GPC6: variants seen among roughly 807,000 people sequenced by gnomAD.
The protein encoded by GPC6 is glypican 6.
Under a neutral mutation model 55.2 loss-of-function variants are expected in GPC6, and 14 were observed. The ratio of observed to expected loss-of-function variants is 0.25; its 90% CI spans 0.17 to 0.40. The LOEUF is 0.40. GPC6 is among the 10% of genes least tolerant of loss of function. GPC6 has a pLI of 1.00. For synonymous variants in GPC6, 278 were observed against 259.6 expected (o/e 1.07, Z -0.68); for missense variants, 641 against 708.5 (o/e 0.90, Z 1.08).
chr13:94,285,348 T>C (rs1892499928), intron 4 of GPC6, among the ~76,000 whole-genome samples: 1 of 152,104 alleles, frequency 6.6e-6, no homozygotes, highest in African/African-American at 2.4e-5. Context: ...GGAGATGAGT[T>C]TGAAGGCTTC....
chr13:93,223,598 C>A (rs1056680904), upstream of GPC6, among the ~76,000 whole-genome samples: 3 of 151,728 alleles, frequency 2.0e-5, no homozygotes, highest in South Asian at 2.1e-4. Flanking sequence ...CACATACCAT[C>A]ACACCAGCGA....
At chr13:93,617,366 T>C (rs548092079) in intron 2 of GPC6, among the ~76,000 whole-genome samples, 1 of 152,270 alleles carries the variant, frequency 6.6e-6, no homozygotes, top group Admixed American at 6.5e-5. Context: ...CATTCATCTC[T>C]CTATTTCTGG....
At chr13:94,167,318 A>C (rs1414708187) in intron 4 of GPC6, among the ~76,000 whole-genome samples, 1 of 152,206 alleles carries the variant, frequency 6.6e-6, no homozygotes, top group Non-Finnish European at 1.5e-5. Context: ...AGAGTGCAAG[A>C]GGGCGTGTCC....
At chr13:94,037,967 T>C (rs905877964) in intron 4 of GPC6, among the ~76,000 whole-genome samples, 2 of 152,030 alleles carry the variant, frequency 1.3e-5, no homozygotes, top group Non-Finnish European at 2.9e-5. Flanking sequence ...TTTCATTTTA[T>C]TTAATTTTAA....
rs553870150 is a variant in GPC6, at chr13:94,204,416, C to T, written c.878-81933C>T. On this transcript the variant is annotated intron_variant, in intron 4 of 8. Coordinates refer to ENST00000377047, the MANE Select transcript of GPC6 (RefSeq NM_005708.5). ...GCTTTAGTATGCCAGCCAACGCCTACAAAAGTGTGACAACAAAATACATAA... is the reference window on the plus strand; with the variant it reads ...GCTTTAGTATGCCAGCCAACGCCTATAAAAGTGTGACAACAAAATACATAA... Among the ~76,000 whole-genome samples the T allele has an allele frequency of 1.1e-4, 16 of 152,260 alleles. No individual in the cohort carries two copies. The South Asian group carries it at 1.4e-3, about 14-fold the overall frequency.
At chr13:94,140,521 G>A (rs1342311011) in intron 4 of GPC6, among the ~76,000 whole-genome samples, 1 of 152,140 alleles carries the variant, frequency 6.6e-6, no homozygotes, top group Non-Finnish European at 1.5e-5. Flanking sequence ...ACAAGCAATG[G>A]CTCAGTTAAT....
intron 4 of GPC6, among the ~76,000 whole-genome samples, chr13:94,155,046 G>T (rs1030863523): frequency 2.6e-5 from 4 of 152,052 alleles, no homozygotes; most frequent in African/African-American, 4.8e-5. Context: ...CTTTAGTCCG[G>T]CTCCCTGGGG....
chr13:93,638,708 A>G (rs1297635564), intron 2 of GPC6, among the ~76,000 whole-genome samples: 2 of 152,166 alleles, frequency 1.3e-5, no homozygotes, highest in Admixed American at 6.6e-5. Context: ...AAAGATGACA[A>G]CAACATTATA....
intron 1 of GPC6, among the ~76,000 whole-genome samples, chr13:93,399,333 G>A (rs1433853116): frequency 1.3e-5 from 2 of 152,102 alleles, no homozygotes; most frequent in African/African-American, 4.8e-5. Context: ...TCTTTGTCCT[G>A]TACTGTAATC....
At chr13:94,165,339 T>A (rs1162374547) in intron 4 of GPC6, among the ~76,000 whole-genome samples, 1 of 151,300 alleles carries the variant, frequency 6.6e-6, no homozygotes, top group African/African-American at 2.4e-5. Flanking sequence ...ATATGGCATT[T>A]GCAGTAACCC....
intron 2 of GPC6, among the ~76,000 whole-genome samples, chr13:93,745,646 A>T (rs994538289): frequency 6.6e-6 from 1 of 152,206 alleles, no homozygotes; most frequent in African/African-American, 2.4e-5. Flanking sequence ...TTTTGAGATG[A>T]TAAGCAGCAG....
At chr13:94,232,331 T>TGC (rs1448648283) in intron 4 of GPC6, among the ~76,000 whole-genome samples, 6 of 152,218 alleles carry the variant, frequency 3.9e-5, no homozygotes, top group Non-Finnish European at 8.8e-5. Flanking sequence ...TGTCCTGCAA[T>TGC]GCCATGGCAC....
intron 2 of GPC6, among the ~76,000 whole-genome samples, chr13:93,547,144 C>G (rs146221773): frequency 6.8e-6 from 1 of 146,084 alleles, no homozygotes; most frequent in African/African-American, 2.6e-5. Context: ...TCCTGGCCAA[C>G]GTGGTGAAAC....
chr13:93,491,713 G>T (rs1239788682), intron 1 of GPC6, among the ~76,000 whole-genome samples: 2 of 134,760 alleles, frequency 1.5e-5, no homozygotes, highest in Non-Finnish European at 1.6e-5. Context: ...TGTAAGGAAG[G>T]GATCCAGTTT....
chr13:93,416,835 C>T (rs1018558484), intron 1 of GPC6, among the ~76,000 whole-genome samples: 3 of 151,974 alleles, frequency 2.0e-5, no homozygotes, highest in East Asian at 1.9e-4. Context: ...ACTGAGGCTC[C>T]GAGGAGTTAA....
At chr13:93,667,887 G>A (rs1881210394) in intron 2 of GPC6, among the ~76,000 whole-genome samples, 1 of 152,108 alleles carries the variant, frequency 6.6e-6, no homozygotes, top group African/African-American at 2.4e-5. Flanking sequence ...TCAATTAACA[G>A]ACTTGTATAA....
At chr13:94,182,261 C>T (rs921547064) in intron 4 of GPC6, among the ~76,000 whole-genome samples, 28 of 151,600 alleles carry the variant, frequency 1.8e-4, no homozygotes, top group African/African-American at 5.6e-4. Flanking sequence ...AAATCAGAAA[C>T]TGATTTGCAG....
chr13:94,076,942 G>A (rs1475979514), intron 4 of GPC6, among the ~76,000 whole-genome samples: 3 of 143,464 alleles, frequency 2.1e-5, no homozygotes, highest in African/African-American at 7.7e-5. Flanking sequence ...TTTTCCTCAA[G>A]ATCACTCTGG....
intron 2 of GPC6, among the ~76,000 whole-genome samples, chr13:93,752,686 A>C (rs1160836291): frequency 6.6e-6 from 1 of 152,102 alleles, no homozygotes; most frequent in Non-Finnish European, 1.5e-5. Flanking sequence ...GAGTTCCAGA[A>C]ACGTGTTCTC....
Sources: gnomAD v4.1 joint callset for allele counts (sites outside exome capture counted in the v4.1 genomes callset) on GRCh38, gnomAD v4.1.1 for gene constraint, MANE v1.5 for transcripts, NCBI Gene and HGNC (gene_info 2026-07-23, HGNC 2026-07-21) for gene names.